Variants in AOX1 observed in about 807,000 individuals in gnomAD.
AOX1 encodes aldehyde oxidase 1.
AOX1 carries 153 observed loss-of-function variants against 169.5 expected under a neutral mutation model. That is an observed-to-expected ratio of 0.90 (90% CI 0.79 to 1.03). The LOEUF is 1.03. AOX1 is among the 50% of genes least tolerant of loss of function. AOX1 has a pLI of 0.00. For synonymous variants in AOX1, 562 were observed against 581.9 expected, an observed-to-expected ratio of 0.97 and a Z score of 0.49; for missense variants, 1,656 against 1,663.9, an observed-to-expected ratio of 1.00 and a Z score of 0.08.
chr2:200,656,149 TGA>T (rs2035677896), intron 26 of AOX1, among the ~76,000 whole-genome samples: 1 of 152,346 alleles, frequency 6.6e-6, no homozygotes, highest in East Asian at 1.9e-4. Context: ...GTGGAACCAC[TGA>T]GAGATATCTG....
chr2:200,677,788 C>CCA (rs1183478350), downstream of AOX1, among the ~76,000 whole-genome samples: 1 of 152,196 alleles, frequency 6.6e-6, no homozygotes, highest in African/African-American at 2.4e-5. Flanking sequence ...GACACCGTGC[C>CCA]TGATGTGCAG....
In AOX1 at chr2:200,620,637, A is replaced by G. The variant is rs1314386349; in HGVS notation, c.1705-13A>G. On this transcript the variant is annotated splice_polypyrimidine_tract_variant and intron_variant, in intron 16 of 34. Transcript: ENST00000374700. ...AGAAATGTAAAAGTATATTTTGGTT[A>G]TTTATTAAACAGAATATAGGCCCAA... 1 of 1,496,312 alleles carries G rather than the reference A, an allele frequency of 6.7e-7. No individual in the cohort carries two copies. Among genetic ancestry groups the G allele is most frequent in the East Asian group, 2.6e-5 (1 of 39,062 alleles). 92.7% of individuals were successfully genotyped at this position (1,496,312 alleles called of 1,614,324 possible).
chr2:200,609,635 C>T (rs552282290), intron 12 of AOX1, among the ~76,000 whole-genome samples: 1 of 152,268 alleles, frequency 6.6e-6, no homozygotes, highest in South Asian at 2.1e-4. Flanking sequence ...TGTTTTTCCT[C>T]ATACTGGTCA....
chr2:200,611,968 G>A (rs919805660), intron 13 of AOX1, among the ~76,000 whole-genome samples: 1 of 152,020 alleles, frequency 6.6e-6, no homozygotes, highest in Non-Finnish European at 1.5e-5. Flanking sequence ...GCCTCCCAAA[G>A]TACTGGGATT....
Position 200,608,889 on chromosome 2 carries a change from C to T in AOX1, c.908-95C>T. 6.5e-6 allele frequency: 7 copies of T among 1,080,794 alleles called. No homozygotes were observed. The South Asian group carries it at 1.1e-4, about 17-fold the overall frequency. The allele number at this position is 1,080,794 out of a possible 1,614,324, so 67.0% of individuals were successfully genotyped here. On this transcript the variant is annotated intron_variant, in intron 10 of 34. Coordinates refer to ENST00000374700, the MANE Select transcript of AOX1 (RefSeq NM_001159.4). Reference sequence around the variant, plus strand: ...ACCAATAAGCAGGGCAGCATGTATCCAGTATAAAGATTCTATGTCTGTAGC... The same window carrying T: ...ACCAATAAGCAGGGCAGCATGTATCTAGTATAAAGATTCTATGTCTGTAGC...
intron 20 of AOX1, among the ~76,000 whole-genome samples, chr2:200,634,566 C>G (rs2035191374): frequency 6.6e-6 from 1 of 152,184 alleles, no homozygotes; most frequent in Non-Finnish European, 1.5e-5. Context: ...ACACCTTTCT[C>G]TAGGACTCTG....
At chr2:200,648,644 G>A (rs1203736831) in intron 25 of AOX1, among the ~76,000 whole-genome samples, 1 of 152,150 alleles carries the variant, frequency 6.6e-6, no homozygotes, top group African/African-American at 2.4e-5. Flanking sequence ...CAGGGCCCTA[G>A]AACTCCCAAG....
At chr2:200,617,963 G>A (rs1023916222) in intron 16 of AOX1, among the ~76,000 whole-genome samples, 1 of 152,152 alleles carries the variant, frequency 6.6e-6, no homozygotes, top group Non-Finnish European at 1.5e-5. Flanking sequence ...CGAAGCAGAG[G>A]GGGAAGAGGA....
At chr2:200,653,402 TC>T (rs1471910475) in intron 26 of AOX1, among the ~76,000 whole-genome samples, 1 of 152,218 alleles carries the variant, frequency 6.6e-6, no homozygotes, top group Non-Finnish European at 1.5e-5. Context: ...GAGTGCCTTC[TC>T]CATGGAAGGA....
intron 25 of AOX1, among the ~76,000 whole-genome samples, chr2:200,644,747 T>C (rs747026707): frequency 2.0e-5 from 3 of 152,190 alleles, no homozygotes; most frequent in Non-Finnish European, 4.4e-5. Flanking sequence ...TAGAGGTCTT[T>C]CAACTCCTTG....
intron 1 of AOX1, among the ~76,000 whole-genome samples, chr2:200,586,983 G>A (rs772461493): frequency 3.9e-5 from 6 of 152,120 alleles, no homozygotes; most frequent in Non-Finnish European, 1.5e-5. Context: ...AGGTTAAGGA[G>A]CTCCCTTGAG....
chr2:200,642,018 A>G lies in AOX1; in HGVS notation c.2656-592A>G, dbSNP rs537053264. Among the ~76,000 whole-genome samples, 8 of 152,100 alleles carry G rather than the reference A, an allele frequency of 5.3e-5. No individual in the cohort carries two copies. The East Asian group carries it at 1.6e-3, about 30-fold the overall frequency. ...GTGGCACACACCTGTAATCCCAGCTATTTGGGAGGCTGAGGCAGGAGAATC... is the reference window on the plus strand; with the variant it reads ...GTGGCACACACCTGTAATCCCAGCTGTTTGGGAGGCTGAGGCAGGAGAATC... On this transcript the variant is annotated intron_variant, in intron 24 of 34. Coordinates refer to ENST00000374700, the MANE Select transcript of AOX1 (RefSeq NM_001159.4).
At chr2:200,656,276 C>T (rs2035681330) in intron 26 of AOX1, among the ~76,000 whole-genome samples, 1 of 151,652 alleles carries the variant, frequency 6.6e-6, no homozygotes, top group Non-Finnish European at 1.5e-5. Flanking sequence ...TAGTTTAGCA[C>T]AGGCAGATAC....
intron 20 of AOX1, 151 bp from the exon 21 acceptor site, chr2:200,634,640 G>A: frequency 1.0e-6 from 1 of 952,496 alleles, no homozygotes; most frequent in Admixed American, 2.9e-5. Flanking sequence ...TCTGCAAGTA[G>A]ACTGAAAGCT....
chr2:200,606,364 C>T (rs2034513944), intron 10 of AOX1, among the ~76,000 whole-genome samples: 1 of 152,116 alleles, frequency 6.6e-6, no homozygotes, highest in Admixed American at 6.5e-5. Flanking sequence ...GGTGCCAGTA[C>T]CATGCTGTTT....
At chr2:200,660,119 G>A (rs377065235) in intron 29 of AOX1, 50 bp downstream of exon 29, 94 of 1,472,400 alleles carry the variant, frequency 6.4e-5, no homozygotes, top group Non-Finnish European at 8.4e-5. Context: ...AAAGGAGTGG[G>A]AGGAGAGCAA....
At chr2:200,669,999 T>C (rs2035996566) in intron 34 of AOX1, among the ~76,000 whole-genome samples, 1 of 152,024 alleles carries the variant, frequency 6.6e-6, no homozygotes, top group African/African-American at 2.4e-5. Context: ...TCCCATTAGT[T>C]TTATGTTCCT....
chr2:200,613,782 G>T, intron 14 of AOX1, 22 bp from the exon 15 acceptor site: 1 of 1,606,950 alleles, frequency 6.2e-7, no homozygotes, highest in Non-Finnish European at 8.5e-7. Context: ...CAGGCTAGGA[G>T]TCTTCTCTTT....
At chr2:200,635,800 G>A (rs2035217359) in intron 21 of AOX1, among the ~76,000 whole-genome samples, 1 of 152,142 alleles carries the variant, frequency 6.6e-6, no homozygotes, top group Non-Finnish European at 1.5e-5. Flanking sequence ...ATGAGGCAGG[G>A]GGTCTTGATT....
Sources: allele counts gnomAD v4.1 joint callset (sites outside exome capture counted in the v4.1 genomes callset), GRCh38; gene constraint gnomAD v4.1.1; transcripts MANE v1.5; gene names NCBI Gene and HGNC (gene_info 2026-07-23, HGNC 2026-07-21).